NEB: variants seen among roughly 807,000 people sequenced by gnomAD.
NEB encodes nemaline myopathy type 2.
Under a neutral mutation model 952.2 loss-of-function variants are expected in NEB, and 512 were observed. The observed-to-expected ratio is 0.54, with a 90% CI of 0.50 to 0.58. The LOEUF is 0.58. NEB is among the 20% of genes least tolerant of loss of function. The pLI is 0.00. For synonymous variants in NEB, 2,900 were observed against 3,149.8 expected (o/e 0.92, Z 2.66); for missense variants, 8,428 against 9,231.1 (o/e 0.91, Z 3.56).
Position 151,679,783 on chromosome 2 carries a change from C to A in NEB, c.3193G>T (p.Asp1065Tyr). The A allele has an allele frequency of 6.2e-7, 1 of 1,613,448 alleles. No individual in the cohort carries two copies. Among genetic ancestry groups the A allele is most frequent in the South Asian group, 1.1e-5 (1 of 91,042 alleles). Residue 1065 changes from aspartate (D) to tyrosine (Y), a missense_variant, in exon 32 of 182, where the codon GAC becomes TAC. Transcript: ENST00000397345. ...ATGGGAATCGCATCAGTTCTCAGGT[C>A]ATATCCCTTCTTGCTCAAGTCTTTC... ...DLKDLSKKGY[D>Y]LRTDAIPIRA...
At chr2:151,707,324 G>T (rs1577161885) in intron 12 of NEB, among the ~76,000 whole-genome samples, 1 of 152,292 alleles carries the variant, frequency 6.6e-6, no homozygotes, top group Middle Eastern at 3.4e-3. Context: ...GAGGGAGAAA[G>T]AAATCCAAAT....
intron 136 of NEB, 65 bp downstream of exon 136, chr2:151,541,382 G>C (rs758825563): frequency 7.8e-7 from 1 of 1,276,576 alleles, no homozygotes; most frequent in Non-Finnish European, 1.1e-6. Context: ...GGCCAGGTGA[G>C]GCCAGGCACA....
intron 135 of NEB, 138 bp from the exon 136 acceptor site, chr2:151,541,689 A>C: frequency 1.5e-6 from 1 of 651,286 alleles, no homozygotes; most frequent in Non-Finnish European, 2.7e-6. Flanking sequence ...CCAATAAACC[A>C]ACCTTTTATT....
chr2:151,578,186 T>C (rs951376687), intron 105 of NEB, among the ~76,000 whole-genome samples: 134 of 152,272 alleles, frequency 8.8e-4, no homozygotes, highest in African/African-American at 3.0e-3. Flanking sequence ...CCTTCTGTAA[T>C]CCATCATTTC....
In NEB at chr2:151,498,062, A is replaced by T. The variant is rs1004501937; in HGVS notation, c.24207+198T>A. 5 of 1,455,614 alleles carry T rather than the reference A, an allele frequency of 3.4e-6. No homozygotes were observed. The African/African-American group carries it at 7.1e-5, about 21-fold the overall frequency. The allele number at this position is 1,455,614 out of a possible 1,614,324, so 90.2% of individuals were successfully genotyped here. A position where few individuals can be genotyped will look rare whatever the true frequency, so the allele number is the denominator to read the frequency against. The stretch of plus-strand genomic sequence containing the variant: ...TGGAAACATTCATTATTTTTAAAAC[A>T]TGTTTGTTTGTAAATATCAGATGAA... On this transcript the variant is annotated intron_variant, in intron 170 of 181. Transcript: ENST00000397345.
chr2:151,496,175 T>TTTAAG lies in NEB; in HGVS notation c.24486+96_24486+100dup, dbSNP rs1032365398. On this transcript the variant is annotated intron_variant, in intron 173 of 181. Transcript: ENST00000397345. ...AATTTGCTAAAGAAATTTCACAAAA[T>TTTAAG]TTAAGTTGTCTTTAAAAAGTAGGAT... is the stretch of plus-strand genomic sequence containing the variant. 4.6e-6 allele frequency: 6 copies of TTTAAG among 1,309,286 alleles called. No homozygotes were observed. In the African/African-American group the frequency reaches 7.5e-5, roughly 16 times the overall value. The allele number at this position is 1,309,286 out of a possible 1,614,324, so 81.1% of individuals were successfully genotyped here.
chr2:151,630,742 T>C lies in NEB; in HGVS notation c.9696A>G (p.Ala3232=), dbSNP rs1289650145. 2.5e-6 allele frequency: 4 copies of C among 1,610,320 alleles called. No homozygotes were observed. The South Asian group carries it at 4.4e-5, about 18-fold the overall frequency. The part of the protein sequence containing the change: ...IMPDTPEIML[A]RQNKINYSET... ...CACTGTAGTTGATTTTGTTCTGCCT[T>C]GCCAACATAATCTCTGGTGTATCAG... Residue 3232 remains alanine, a synonymous_variant, in exon 67 of 182, where the codon GCA becomes GCG. Transcript: ENST00000397345.
Position 151,491,583 on chromosome 2 carries a change from A to T in NEB, c.25150+100T>A. ...CAAATGGGCAGCTCAGAAAATGGAA[A>T]ACTCTGGAGGGAAGGAACTTCAGAG... On this transcript the variant is annotated intron_variant, in intron 179 of 181. Transcript: ENST00000397345. 3.0e-6 allele frequency: 3 copies of T among 1,005,974 alleles called. No homozygotes were observed. In the South Asian group the frequency reaches 4.2e-5, roughly 14 times the overall value. 62.3% of individuals were successfully genotyped at this position (1,005,974 alleles called of 1,614,324 possible).
At chr2:151,545,513 T>C (rs1413996806) in intron 135 of NEB, among the ~76,000 whole-genome samples, 3 of 151,988 alleles carry the variant, frequency 2.0e-5, no homozygotes, top group East Asian at 3.9e-4. Flanking sequence ...AGACAGAGGT[T>C]GCAGTGAGCC....
chr2:151,628,558 C>T (rs1210978230), intron 68 of NEB, among the ~76,000 whole-genome samples: 1 of 152,080 alleles, frequency 6.6e-6, no homozygotes, highest in Non-Finnish European at 1.5e-5. Context: ...TCCGAATTTT[C>T]AGCTGGGCAT....
In NEB at chr2:151,625,611, C is replaced by A; in HGVS notation, c.10375G>T (p.Asp3459Tyr). The A allele has an allele frequency of 6.2e-7, 1 of 1,605,674 alleles. No homozygotes were observed. The highest frequency in any genetic ancestry group is 1.1e-5 in the South Asian group (1 of 89,872). ...GGCATAATATGGACTTGGGTCTTGT[C>A]TTTGTCCCAGGCTTCTGTGTATAAG... The part of the protein sequence containing the change: ...KRLYTEAWDK[D>Y]KTQVHIMPDT... The change falls in exon 71 of 182, where the codon GAC becomes TAC. Residue 3459 changes from aspartate to tyrosine, a missense_variant. By Grantham distance (160) the Asp-to-Tyr change is radical. This residue lies in a region of NEB where 1,772 missense variants were observed against 1,960.3 expected (regional missense o/e 0.90). Transcript: ENST00000397345.
intron 9 of NEB, among the ~76,000 whole-genome samples, chr2:151,720,268 A>G (rs995118068): frequency 1.3e-5 from 2 of 152,262 alleles, no homozygotes; most frequent in African/African-American, 2.4e-5. Flanking sequence ...ATAGTACAGG[A>G]GAGATAGCAA....
chr2:151,636,217 G>A lies in NEB; in HGVS notation c.9102+10C>T. The stretch of plus-strand genomic sequence containing the variant: ...TTGATCACATACTCAGAATGGAATT[G>A]ACAACTCACGTCACTGATGATGTCC... On this transcript the variant is annotated intron_variant, in intron 64 of 181. Coordinates refer to ENST00000397345, the MANE Select transcript of NEB (RefSeq NM_001164508.2). 6.2e-7 allele frequency: 1 copy of A among 1,600,170 alleles called. No individual in the cohort carries two copies. Among genetic ancestry groups the A allele is most frequent in the African/African-American group, 1.3e-5 (1 of 74,876 alleles).
At chr2:151,578,215 A>G (rs1186303738) in intron 105 of NEB, among the ~76,000 whole-genome samples, 2 of 151,992 alleles carry the variant, frequency 1.3e-5, no homozygotes, top group Admixed American at 1.3e-4. Flanking sequence ...TGAAGGGCGG[A>G]AAATACGAGT....
At chr2:151,576,991 C>A (rs2096890037) in intron 105 of NEB, among the ~76,000 whole-genome samples, 1 of 152,148 alleles carries the variant, frequency 6.6e-6, no homozygotes, top group African/African-American at 2.4e-5. Context: ...CAAAGTGATG[C>A]AGAAGCAGCT....
intron 51 of NEB, 118 bp downstream of exon 51, chr2:151,655,152 G>T: frequency 1.7e-6 from 1 of 601,204 alleles, no homozygotes; most frequent in Non-Finnish European, 2.8e-6. Flanking sequence ...GGGCTAATCA[G>T]TGTGTCATTT....
chr2:151,670,701 T>C (rs561297238), intron 38 of NEB, among the ~76,000 whole-genome samples: 1 of 152,368 alleles, frequency 6.6e-6, no homozygotes, highest in South Asian at 2.1e-4. Flanking sequence ...ATAGCTTGTT[T>C]TGCAATTCAT....
chr2:151,498,894 A>AAAAG (rs931541517), intron 169 of NEB, among the ~76,000 whole-genome samples: 1 of 152,058 alleles, frequency 6.6e-6, no homozygotes, highest in Non-Finnish European at 1.5e-5. Context: ...AAGGTGCTAA[A>AAAAG]AAAAAGAAAC....
intron 130 of NEB, among the ~76,000 whole-genome samples, chr2:151,549,122 C>G (rs1287211161): frequency 6.6e-6 from 1 of 152,104 alleles, no homozygotes; most frequent in Non-Finnish European, 1.5e-5. Flanking sequence ...GCCTAACTAC[C>G]CCTCTAGCCT....
Sources: allele counts gnomAD v4.1 joint callset (sites outside exome capture counted in the v4.1 genomes callset), GRCh38; gene constraint gnomAD v4.1.1; regional missense constraint gnomAD v4.1.1; transcripts MANE v1.5; gene names NCBI Gene and HGNC (gene_info 2026-07-23, HGNC 2026-07-21).